Variants in TSHZ2 observed in about 807,000 individuals in gnomAD.
TSHZ2 encodes the protein teashirt zinc finger homeobox 2.
In TSHZ2, 21 loss-of-function variants were observed where a neutral mutation model predicts 74.4. The ratio of observed to expected loss-of-function variants is 0.28; its 90% CI spans 0.20 to 0.41. TSHZ2 has a LOEUF of 0.41. TSHZ2 is among the 10% of genes least tolerant of loss of function. TSHZ2 has a pLI of 1.00. For missense variants in TSHZ2, 1,244 were observed against 1,293.5 expected (o/e 0.96, Z 0.59); for synonymous variants, 540 against 515.3 (o/e 1.05, Z -0.65).
intron 1 of TSHZ2, among the ~76,000 whole-genome samples, chr20:53,006,757 C>T (rs1982661269): frequency 1.3e-5 from 2 of 152,182 alleles, no homozygotes; most frequent in Admixed American, 1.3e-4. Flanking sequence ...CATTCTTTCA[C>T]ATCATTTTCT....
At chr20:53,410,507 A>G (rs963396317) in intron 2 of TSHZ2, among the ~76,000 whole-genome samples, 3 of 152,080 alleles carry the variant, frequency 2.0e-5, no homozygotes, top group Non-Finnish European at 2.9e-5. Context: ...AATTAAATCA[A>G]CTTACAAAAC....
intron 1 of TSHZ2, among the ~76,000 whole-genome samples, chr20:53,050,191 A>ATG (rs1568736506): frequency 6.8e-6 from 1 of 146,664 alleles, no homozygotes; most frequent in African/African-American, 2.5e-5. Flanking sequence ...ATATATGTAT[A>ATG]TATATATATG....
chr20:53,059,579 C>CTGAATTCAT (rs949358840), intron 1 of TSHZ2, among the ~76,000 whole-genome samples: 20 of 152,140 alleles, frequency 1.3e-4, no homozygotes, highest in African/African-American at 3.6e-4. Context: ...GCCATTTCTC[C>CTGAATTCAT]TGAATTCATA....
At chr20:53,468,385 G>A (rs1278801080) in intron 2 of TSHZ2, among the ~76,000 whole-genome samples, 1 of 152,136 alleles carries the variant, frequency 6.6e-6, no homozygotes, top group Non-Finnish European at 1.5e-5. Context: ...ATTTTCTGCT[G>A]CCATTGAAAT....
At chr20:53,095,357 G>A (rs1177914015) in intron 1 of TSHZ2, among the ~76,000 whole-genome samples, 1 of 152,158 alleles carries the variant, frequency 6.6e-6, no homozygotes, top group African/African-American at 2.4e-5. Flanking sequence ...ATCAAATTGG[G>A]TGTGCTTGTG....
At chr20:53,234,858 A>G (rs935879927) in intron 1 of TSHZ2, among the ~76,000 whole-genome samples, 1 of 152,128 alleles carries the variant, frequency 6.6e-6, no homozygotes, top group Non-Finnish European at 1.5e-5. Context: ...TTTTTCTTTG[A>G]GTGGGAAGAA....
chr20:53,057,901 G>C (rs975398316), intron 1 of TSHZ2, among the ~76,000 whole-genome samples: 5 of 152,202 alleles, frequency 3.3e-5, no homozygotes, highest in Non-Finnish European at 7.3e-5. Context: ...AAAGGGCATG[G>C]AGGTCCCCTC....
At chr20:53,159,979 G>A (rs1568788083) in intron 1 of TSHZ2, among the ~76,000 whole-genome samples, 1 of 152,184 alleles carries the variant, frequency 6.6e-6, no homozygotes, top group Non-Finnish European at 1.5e-5. Flanking sequence ...GCTTTCCTGA[G>A]GACGTTGTGT....
At chr20:53,216,584 G>A (rs939095029) in intron 1 of TSHZ2, among the ~76,000 whole-genome samples, 1 of 152,190 alleles carries the variant, frequency 6.6e-6, no homozygotes, top group African/African-American at 2.4e-5. Flanking sequence ...TGGTGTTAAT[G>A]CCATCTTAGA....
At chr20:52,989,748 A>G (rs1393834693) in intron 1 of TSHZ2, among the ~76,000 whole-genome samples, 2 of 152,028 alleles carry the variant, frequency 1.3e-5, no homozygotes. Context: ...CGTATCTTCC[A>G]TTATTTATAG....
chr20:53,422,893 T>C (rs1437856258), intron 2 of TSHZ2, among the ~76,000 whole-genome samples: 2 of 152,124 alleles, frequency 1.3e-5, no homozygotes, highest in East Asian at 1.9e-4. Flanking sequence ...AATAATAATA[T>C]CTATACTTAA....
chr20:53,246,819 A>G (rs1001118618), intron 1 of TSHZ2, among the ~76,000 whole-genome samples: 4 of 152,264 alleles, frequency 2.6e-5, no homozygotes, highest in African/African-American at 9.6e-5. Context: ...AACGTTTTAC[A>G]GTCCAAAGAG....
intron 2 of TSHZ2, among the ~76,000 whole-genome samples, chr20:53,309,071 T>A (rs1390960215): frequency 6.6e-6 from 1 of 152,052 alleles, no homozygotes; most frequent in African/African-American, 2.4e-5. Flanking sequence ...CAGAGCAGAG[T>A]GCTCACATCA....
intron 1 of TSHZ2, among the ~76,000 whole-genome samples, chr20:53,134,732 C>G (rs1014703542): frequency 3.9e-5 from 6 of 152,126 alleles, no homozygotes; most frequent in African/African-American, 1.4e-4. Flanking sequence ...TAATTACGAT[C>G]ACATTATATG....
Position 52,972,747 on chromosome 20 carries a change from G to C in TSHZ2, c.-547G>C, listed in dbSNP as rs1331435777. 1 of 164,382 alleles carries C rather than the reference G, an allele frequency of 6.1e-6. No homozygotes were observed. Among genetic ancestry groups the C allele is most frequent in the African/African-American group, 2.4e-5 (1 of 41,538 alleles). The allele number at this position is 164,382 out of a possible 1,614,324, so 10.2% of individuals were successfully genotyped here. A position where few individuals can be genotyped will look rare whatever the true frequency, so the allele number is the denominator to read the frequency against. On this transcript the variant is annotated 5_prime_UTR_variant, in exon 1 of 3. Coordinates refer to ENST00000371497, the MANE Select transcript of TSHZ2 (RefSeq NM_173485.6). ...AAAGAAGGAGGAGGTGGAGGAGGAG[G>C]TGGAGGAGGAGGAGGAGGAGGGAAA...
Position 53,439,359 on chromosome 20 carries a change from A to T in TSHZ2, c.*9-47785A>T, listed in dbSNP as rs531006873. Among the ~76,000 whole-genome samples, 32 of 152,234 alleles carry T rather than the reference A, an allele frequency of 2.1e-4. No individual in the cohort carries two copies. The East Asian group carries it at 3.1e-3, about 15-fold the overall frequency. On this transcript the variant is annotated intron_variant, in intron 2 of 2. Transcript: ENST00000371497. ...TGCCTAGCTCACTATTAAAAAAAAA[A>T]TTTTTAACCTAATAAGAGAGAATTG...
intron 1 of TSHZ2, among the ~76,000 whole-genome samples, chr20:53,083,873 A>AT (rs376049871): frequency 1.3e-5 from 2 of 152,034 alleles, no homozygotes; most frequent in African/African-American, 4.8e-5. Flanking sequence ...TTCTATGTGA[A>AT]TTTTTTTAAC....
intron 1 of TSHZ2, among the ~76,000 whole-genome samples, chr20:52,985,114 T>C (rs1981705992): frequency 6.6e-6 from 1 of 151,996 alleles, no homozygotes; most frequent in African/African-American, 2.4e-5. Flanking sequence ...TGGAATGGCT[T>C]CTTCACATAT....
At chr20:53,306,023 C>T (rs1268876886) in intron 2 of TSHZ2, among the ~76,000 whole-genome samples, 3 of 151,882 alleles carry the variant, frequency 2.0e-5, no homozygotes, top group Admixed American at 2.0e-4. Flanking sequence ...GAGAGCCCAG[C>T]CCTCACTGGT....
Sources: allele counts gnomAD v4.1 joint callset (sites outside exome capture counted in the v4.1 genomes callset), GRCh38; gene constraint gnomAD v4.1.1; transcripts MANE v1.5; gene names NCBI Gene and HGNC (gene_info 2026-07-23, HGNC 2026-07-21).